The following USP38 variants were observed in gnomAD, a reference collection of about 807,000 sequenced individuals.
USP38 encodes ubiquitin carboxyl-terminal hydrolase 38.
Under a neutral mutation model 94.3 loss-of-function variants are expected in USP38, and 49 were observed. The observed-to-expected ratio is 0.52, with a 90% CI of 0.41 to 0.66. USP38 has a LOEUF of 0.66. USP38 is among the 30% of genes least tolerant of loss of function. USP38 has a pLI of 0.00. For missense variants in USP38, 1,128 were observed against 1,229.4 expected (o/e 0.92, Z 1.23); for synonymous variants, 468 against 463.6 (o/e 1.01, Z -0.12).
Position 143,209,601 on chromosome 4 carries a change from T to G in USP38, c.1441T>G (p.Cys481Gly). The G allele has an allele frequency of 6.2e-7, 1 of 1,608,316 alleles. No homozygotes were observed. Among genetic ancestry groups the G allele is most frequent in the Non-Finnish European group, 8.5e-7 (1 of 1,175,722 alleles). The change falls in exon 7 of 10, where the codon TGC becomes GGC. Residue 481 changes from cysteine (C) to glycine (G), a missense_variant. Physicochemically the swap from Cys to Gly is radical, Grantham distance 159. Coordinates refer to ENST00000307017, the MANE Select transcript of USP38 (RefSeq NM_032557.6). ...AGTATTATCTTTAAATCTAAATGGG[T>G]GCAATTCATTAATGAAAAAATTACA... Reference protein sequence around the residue: ...RQVLSLNLNGCNSLMKKLQHL... With the variant: ...RQVLSLNLNGGNSLMKKLQHL...
intron 2 of USP38, 109 bp from the exon 3 acceptor site, chr4:143,195,607 C>T: frequency 3.4e-6 from 4 of 1,172,878 alleles, no homozygotes; most frequent in Non-Finnish European, 4.6e-6. Context: ...CCAGCAAATT[C>T]AGTAAATGTT....
intron 2 of USP38, among the ~76,000 whole-genome samples, chr4:143,189,558 G>A (rs1217611740): frequency 2.0e-5 from 3 of 151,870 alleles, no homozygotes; most frequent in African/African-American, 4.8e-5. Flanking sequence ...TTTCTCCACC[G>A]TATCCCCCTT....
At chr4:143,198,966 A>T (rs1415894017) in intron 4 of USP38, among the ~76,000 whole-genome samples, 4 of 152,198 alleles carry the variant, frequency 2.6e-5, no homozygotes, top group Non-Finnish European at 4.4e-5. Context: ...ACATTTGAGA[A>T]AAGGCTTTGT....
chr4:143,196,167 A>G (rs935808002), intron 3 of USP38, among the ~76,000 whole-genome samples: 3 of 152,096 alleles, frequency 2.0e-5, no homozygotes, highest in Non-Finnish European at 4.4e-5. Context: ...TTAGGTTGGC[A>G]TAATGGTTCA....
At chr4:143,186,162 A>C in intron 1 of USP38, 30 bp downstream of exon 1, 1,901 of 1,570,444 alleles carry the variant, frequency 1.2e-3, no homozygotes, top group Non-Finnish European at 1.5e-3. Context: ...AGAATATCTC[A>C]TAAAAAATCA....
rs1732119115 is a variant in USP38, at chr4:143,214,265, T to TGGA, written c.2289_2290insGGA (p.Leu763_Thr764insGly). On this transcript the variant is annotated inframe_insertion, in exon 9 of 10. Coordinates refer to ENST00000307017, the MANE Select transcript of USP38 (RefSeq NM_032557.6). ...CGGAGGAACCTGAATACCTTATTCT[T>TGGA]ACTCTCCTGAGATTTTCATATGATC... 6.2e-7 allele frequency: 1 copy of TGGA among 1,613,282 alleles called. No individual in the cohort carries two copies. Among genetic ancestry groups the TGGA allele is most frequent in the Non-Finnish European group, 8.5e-7 (1 of 1,179,766 alleles).
At chr4:143,218,477 T>C (rs1309839625) in intron 9 of USP38, among the ~76,000 whole-genome samples, 1 of 152,116 alleles carries the variant, frequency 6.6e-6, no homozygotes, top group Non-Finnish European at 1.5e-5. Flanking sequence ...TTTTATGCAT[T>C]GTCTAAGCTT....
In USP38 at chr4:143,185,318, C is replaced by T. The variant is rs1731178894; in HGVS notation, c.-133C>T. On this transcript the variant is annotated 5_prime_UTR_variant, in exon 1 of 10. Transcript: ENST00000307017. ...GCCATAAATGTGGCTGCTGAGGCGG[C>T]GGTGGCCGTGGCCCGTCGCGCTGCT... The T allele has an allele frequency of 6.2e-6, 6 of 971,038 alleles. No homozygotes were observed. The highest frequency in any genetic ancestry group is 8.9e-6 in the Non-Finnish European group (6 of 674,700). The allele number at this position is 971,038 out of a possible 1,614,324, so 60.2% of individuals were successfully genotyped here. A position where few individuals can be genotyped will look rare whatever the true frequency, so the allele number is the denominator to read the frequency against.
chr4:143,195,914 G>T, intron 3 of USP38, 69 bp downstream of exon 3: 1 of 1,402,780 alleles, frequency 7.1e-7, no homozygotes, highest in African/African-American at 1.4e-5. Context: ...TCTTTGGGTG[G>T]TATCCTTGAA....
At position 143,213,794 on chromosome 4, in the gene USP38, C is replaced by G; in HGVS notation, c.1818C>G (p.Thr606=). Residue 606 remains threonine (T), a synonymous_variant, in exon 9 of 10, where the codon ACC becomes ACG. Coordinates refer to ENST00000307017, the MANE Select transcript of USP38 (RefSeq NM_032557.6). ...THIRCLNCRS[T]SQKVEAFTDL... is the part of the protein sequence containing the mutation. ...TACGTTGTTTGAACTGCAGGAGTACCTCACAAAAAGTGGAAGCCTTTACAG... is the reference window on the plus strand; with the variant it reads ...TACGTTGTTTGAACTGCAGGAGTACGTCACAAAAAGTGGAAGCCTTTACAG... 3 of 1,613,722 alleles carry G rather than the reference C, an allele frequency of 1.9e-6. No homozygotes were observed. Among genetic ancestry groups the G allele is most frequent in the Non-Finnish European group, 2.5e-6 (3 of 1,179,814 alleles).
chr4:143,188,008 A>C, intron 2 of USP38, 47 bp downstream of exon 2: 1 of 1,555,754 alleles, frequency 6.4e-7, no homozygotes, highest in Middle Eastern at 1.7e-4. Context: ...TTTGGGGAAG[A>C]GGAAGTATTT....
At chr4:143,198,913 C>T (rs961456125) in intron 4 of USP38, among the ~76,000 whole-genome samples, 2 of 152,008 alleles carry the variant, frequency 1.3e-5, no homozygotes, top group African/African-American at 4.8e-5. Context: ...AGAAAAAAAA[C>T]ATCAATTACT....
At chr4:143,202,653 A>C (rs1468057732) in intron 4 of USP38, among the ~76,000 whole-genome samples, 1 of 152,124 alleles carries the variant, frequency 6.6e-6, no homozygotes, top group Non-Finnish European at 1.5e-5. Context: ...ATGACTTTTT[A>C]GTTTAATTTT....
chr4:143,214,111 G>C lies in USP38; in HGVS notation c.2135G>C (p.Gly712Ala). The change falls in exon 9 of 10, where the codon GGT (glycine) becomes GCT (alanine). Residue 712 changes from glycine to alanine, a missense_variant. Transcript: ENST00000307017. Reference protein sequence around the residue: ...VNKDVPQKPGGETTPSVTDLL... With the variant: ...VNKDVPQKPGAETTPSVTDLL... ...AAAGATGTACCTCAGAAACCAGGAG[G>C]TGAAACCACACCTTCAGTAACTGAC... The C allele has an allele frequency of 6.2e-7, 1 of 1,613,276 alleles. No individual in the cohort carries two copies. The highest frequency in any genetic ancestry group is 8.5e-7 in the Non-Finnish European group (1 of 1,179,692).
chr4:143,212,531 T>A, intron 8 of USP38, 107 bp downstream of exon 8: 2 of 564,776 alleles, frequency 3.5e-6, no homozygotes, highest in Non-Finnish European at 5.7e-6. Context: ...TATTACTCTT[T>A]AAAATACTAT....
intron 2 of USP38, among the ~76,000 whole-genome samples, chr4:143,193,808 A>G (rs1401863820): frequency 1.3e-5 from 2 of 152,256 alleles, no homozygotes; most frequent in Non-Finnish European, 1.5e-5. Flanking sequence ...TCCTTTGGCC[A>G]GGCACAGTGC....
intron 6 of USP38, among the ~76,000 whole-genome samples, chr4:143,208,833 C>A (rs1166958758): frequency 1.3e-5 from 2 of 151,878 alleles, no homozygotes; most frequent in Non-Finnish European, 2.9e-5. Context: ...AGCCTTTACC[C>A]TCTAAATTTC....
intron 3 of USP38, 59 bp from the exon 4 acceptor site, chr4:143,197,764 C>G: frequency 8.4e-7 from 1 of 1,193,958 alleles, no homozygotes; most frequent in Non-Finnish European, 1.2e-6. Context: ...AAAATAACCA[C>G]TGTTGGATTA....
rs977124566 is a variant in USP38, at chr4:143,220,630, T to C, written c.*174T>C. On this transcript the variant is annotated 3_prime_UTR_variant, in exon 10 of 10. Transcript: ENST00000307017. Reference sequence around the variant, plus strand: ...ACACATTTATTAACAAAATGCATCATGGAAAAAAAAATCTACCTCTTAAAA... The same window carrying C: ...ACACATTTATTAACAAAATGCATCACGGAAAAAAAAATCTACCTCTTAAAA... The C allele has an allele frequency of 4.9e-6, 3 of 613,450 alleles. No homozygotes were observed. The highest frequency in any genetic ancestry group is 8.0e-5 in the African/African-American group (2 of 25,076). 38.0% of individuals were successfully genotyped at this position (613,450 alleles called of 1,614,324 possible). A position where few individuals can be genotyped will look rare whatever the true frequency, so the allele number is the denominator to read the frequency against.
Sources: allele counts gnomAD v4.1 joint callset (sites outside exome capture counted in the v4.1 genomes callset), GRCh38; gene constraint gnomAD v4.1.1; transcripts MANE v1.5; gene names NCBI Gene and HGNC (gene_info 2026-07-23, HGNC 2026-07-21).